GLI3: variants seen among roughly 807,000 people sequenced by gnomAD.
GLI3 encodes the protein transcription activator GLI3.
In GLI3, 20 loss-of-function variants were observed where a neutral mutation model predicts 100.8. The observed-to-expected ratio is 0.20, with a 90% confidence interval of 0.14 to 0.29. The LOEUF (loss-of-function observed/expected upper bound fraction) is 0.29, where lower values mean the gene tolerates loss of function less well. GLI3 is among the 10% of genes least tolerant of loss of function. The pLI is 1.00. For synonymous variants in GLI3, 938 were observed against 860.5 expected, an observed-to-expected ratio of 1.09 and a Z score of -1.58; for missense variants, 2,040 against 2,128.5, an observed-to-expected ratio of 0.96 and a Z score of 0.82.
upstream of GLI3, among the ~76,000 whole-genome samples, chr7:42,238,444 C>G (rs1788879451): frequency 6.6e-6 from 1 of 152,216 alleles, no homozygotes; most frequent in South Asian, 2.1e-4. Flanking sequence ...TTTGGAAGTT[C>G]AGGGTTTTTC....
At chr7:42,113,163 C>A (rs1427668441) in intron 3 of GLI3, among the ~76,000 whole-genome samples, 1 of 152,050 alleles carries the variant, frequency 6.6e-6, no homozygotes, top group African/African-American at 2.4e-5. Context: ...GGCGACAGAG[C>A]GAGACTCTGT....
At chr7:42,009,462 C>T (rs1053859515) in intron 10 of GLI3, among the ~76,000 whole-genome samples, 1 of 148,990 alleles carries the variant, frequency 6.7e-6, no homozygotes, top group Non-Finnish European at 1.5e-5. Flanking sequence ...CACTTTCTAT[C>T]TCCCCCAGCA....
chr7:42,031,986 T>G (rs1036823826), intron 7 of GLI3, among the ~76,000 whole-genome samples: 3 of 152,108 alleles, frequency 2.0e-5, no homozygotes, highest in Non-Finnish European at 4.4e-5. Flanking sequence ...TCTTAAAAAG[T>G]GTGATCAAAG....
chr7:42,219,635 T>C (rs1007176443), intron 2 of GLI3, among the ~76,000 whole-genome samples: 5 of 152,206 alleles, frequency 3.3e-5, no homozygotes, highest in Admixed American at 6.5e-5. Context: ...AAAACAGATC[T>C]GCAAGGACAT....
chr7:41,997,682 C>T (rs1049923273), intron 10 of GLI3, among the ~76,000 whole-genome samples: 2 of 152,170 alleles, frequency 1.3e-5, no homozygotes, highest in African/African-American at 2.4e-5. Flanking sequence ...GTTTATTTTG[C>T]GTGAGCATGG....
At chr7:42,107,816 C>T (rs937560858) in intron 3 of GLI3, among the ~76,000 whole-genome samples, 5 of 152,218 alleles carry the variant, frequency 3.3e-5, no homozygotes, top group Non-Finnish European at 7.3e-5. Context: ...TGCCTGCTAT[C>T]AGCAACGCGA....
At chr7:41,984,586 C>A (rs1787762252) in intron 10 of GLI3, among the ~76,000 whole-genome samples, 1 of 152,214 alleles carries the variant, frequency 6.6e-6, no homozygotes, top group Non-Finnish European at 1.5e-5. Context: ...CTGGCTGCCT[C>A]AAAAGTCTGT....
Position 42,223,164 on chromosome 7 carries a change from G to A in GLI3, c.90C>T (p.Ser30=), listed in dbSNP as rs180932351. 26 of 1,613,916 alleles carry A rather than the reference G, an allele frequency of 1.6e-5. No homozygotes were observed. Among genetic ancestry groups the A allele is most frequent in the Admixed American group, 8.3e-5 (5 of 59,982 alleles). ...TGGTGCTGGAGGCAACGGCTTTCTC[G>A]CTCACATCTGTTCGAGTGGAGCACT... is the stretch of plus-strand genomic sequence containing the variant. ...IVKCSTRTDV[S]EKAVASSTTS... Residue 30 remains serine, a synonymous_variant, in exon 2 of 15, where the codon AGC becomes AGT. Coordinates refer to ENST00000395925, the MANE Select transcript of GLI3 (RefSeq NM_000168.6).
intron 1 of GLI3, among the ~76,000 whole-genome samples, chr7:42,258,462 T>C (rs1789107741): frequency 6.6e-6 from 1 of 152,246 alleles, no homozygotes; most frequent in South Asian, 2.1e-4. Flanking sequence ...CAGAATCTGT[T>C]GCCCTCCATG....
At chr7:42,259,491 TTTG>T (rs1789118072) in intron 1 of GLI3, among the ~76,000 whole-genome samples, 1 of 152,210 alleles carries the variant, frequency 6.6e-6, no homozygotes, top group African/African-American at 2.4e-5. Flanking sequence ...AATTTATTCT[TTTG>T]CTGTTAAGAT....
chr7:42,044,391 C>A (rs1215859447), intron 6 of GLI3, among the ~76,000 whole-genome samples: 2 of 152,128 alleles, frequency 1.3e-5, no homozygotes, highest in Admixed American at 6.5e-5. Flanking sequence ...CTTAAAGGAT[C>A]TGAAGAGATG....
intron 2 of GLI3, among the ~76,000 whole-genome samples, chr7:42,215,316 C>T (rs553739904): frequency 8.1e-4 from 124 of 152,150 alleles, no homozygotes; most frequent in Non-Finnish European, 1.4e-3. Context: ...CTAAAGCAGA[C>T]ATATCTGGAA....
intron 10 of GLI3, among the ~76,000 whole-genome samples, chr7:41,992,591 A>T (rs2128718653): frequency 6.6e-6 from 1 of 152,310 alleles, no homozygotes; most frequent in Admixed American, 6.5e-5. Context: ...AAAACCCCTG[A>T]CCAATGGAGA....
At chr7:41,986,525 G>A (rs572843036) in intron 10 of GLI3, among the ~76,000 whole-genome samples, 7 of 150,636 alleles carry the variant, frequency 4.6e-5, no homozygotes, top group African/African-American at 7.3e-5. Flanking sequence ...AATGAAATAC[G>A]CATACACATT....
intron 2 of GLI3, among the ~76,000 whole-genome samples, chr7:42,170,815 T>G (rs1309495742): frequency 6.6e-6 from 1 of 152,154 alleles, no homozygotes; most frequent in Non-Finnish European, 1.5e-5. Context: ...GCTTGAGAAT[T>G]ATTTTTTTCT....
At chr7:42,183,891 T>A (rs1326608392) in intron 2 of GLI3, among the ~76,000 whole-genome samples, 3 of 152,078 alleles carry the variant, frequency 2.0e-5, no homozygotes, top group Non-Finnish European at 4.4e-5. Flanking sequence ...CAGGCCACCT[T>A]TTCAAAACAA....
chr7:42,221,886 T>G (rs111651662), intron 2 of GLI3, among the ~76,000 whole-genome samples: 6,849 of 152,316 alleles, frequency 0.045, 193 homozygotes, highest in Non-Finnish European at 0.066. Context: ...GGAAATATTT[T>G]CACATATATG....
At chr7:42,047,801 T>C (rs1307581532) in intron 5 of GLI3, among the ~76,000 whole-genome samples, 1 of 152,222 alleles carries the variant, frequency 6.6e-6, no homozygotes, top group Non-Finnish European at 1.5e-5. Flanking sequence ...CGGATTTTCA[T>C]GTGGCATGGT....
intron 2 of GLI3, among the ~76,000 whole-genome samples, chr7:42,157,270 C>T (rs1787024835): frequency 6.6e-6 from 1 of 152,194 alleles, no homozygotes; most frequent in Non-Finnish European, 1.5e-5. Context: ...ATGAAAATAC[C>T]ACCTTTTGAT....
Sources: allele counts gnomAD v4.1 joint callset (sites outside exome capture counted in the v4.1 genomes callset), GRCh38; gene constraint gnomAD v4.1.1; transcripts MANE v1.5; gene names NCBI Gene and HGNC (gene_info 2026-07-23, HGNC 2026-07-21).